GRID1: variants seen among roughly 807,000 people sequenced by gnomAD.
GRID1 encodes glutamate ionotropic receptor delta type subunit 1.
Under a neutral mutation model 98.0 loss-of-function variants are expected in GRID1, and 28 were observed. The ratio of observed to expected loss-of-function variants is 0.29; its 90% CI spans 0.21 to 0.39. The LOEUF (loss-of-function observed/expected upper bound fraction) is 0.39. Among genes scored for constraint, GRID1 ranks in the 10% least tolerant of loss-of-function variants. GRID1 has a pLI of 1.00. For synonymous variants in GRID1, 553 were observed against 538.5 expected, an observed-to-expected ratio of 1.03 and a Z score of -0.37; for missense variants, 1,111 against 1,340.5, an observed-to-expected ratio of 0.83 and a Z score of 2.67.
chr10:85,632,949 C>T (rs1424496217), intron 13 of GRID1, among the ~76,000 whole-genome samples: 3 of 152,130 alleles, frequency 2.0e-5, no homozygotes, highest in Non-Finnish European at 4.4e-5. Flanking sequence ...TTGTTCAGCT[C>T]CCACTTATGA....
chr10:86,079,768 C>G (rs1843938208), intron 4 of GRID1, among the ~76,000 whole-genome samples: 3 of 152,210 alleles, frequency 2.0e-5, no homozygotes, highest in African/African-American at 7.2e-5. Context: ...GTGACCAGAG[C>G]ATGTCAGACA....
At chr10:85,844,525 A>G (rs534858216) in intron 8 of GRID1, among the ~76,000 whole-genome samples, 1 of 152,010 alleles carries the variant, frequency 6.6e-6, no homozygotes, top group African/African-American at 2.4e-5. Flanking sequence ...CAATGTCAGT[A>G]TCCTTATTGT....
rs568566515 is a variant in GRID1, at chr10:85,706,908, T to C, written c.1997+16095A>G. Among the ~76,000 whole-genome samples the C allele has an allele frequency of 1.4e-3, 214 of 152,316 alleles. 1 individual carries two copies. Among genetic ancestry groups the C allele is most frequent in the African/African-American group, 4.9e-3 (203 of 41,564 alleles). ...TGGTGCTGGGAAAACTGGCTAGCCA[T>C]ATGTAGAAAGCTGAAATTGGATCCC... On this transcript the variant is annotated intron_variant, in intron 12 of 15. Coordinates refer to ENST00000327946, the MANE Select transcript of GRID1 (RefSeq NM_017551.3).
At chr10:85,978,233 G>A (rs1250607165) in intron 4 of GRID1, among the ~76,000 whole-genome samples, 3 of 152,136 alleles carry the variant, frequency 2.0e-5, no homozygotes, top group Non-Finnish European at 1.5e-5. Context: ...TCAACACCAT[G>A]CAGATGCCAA....
intron 5 of GRID1, among the ~76,000 whole-genome samples, chr10:85,909,257 T>A (rs1841503269): frequency 1.3e-5 from 2 of 152,124 alleles, no homozygotes; most frequent in South Asian, 4.1e-4. Context: ...TACACACCCA[T>A]CAGAGTGACT....
At position 85,602,593 on chromosome 10, in the gene GRID1, C is replaced by T; in HGVS notation, c.2710G>A (p.Glu904Lys). The T allele has an allele frequency of 6.2e-7, 1 of 1,614,038 alleles. No individual in the cohort carries two copies. The highest frequency in any genetic ancestry group is 8.5e-7 in the Non-Finnish European group (1 of 1,179,984). Reference sequence around the variant, plus strand: ...TGGGTGGGAGCCAGGCCCCCCATCTCCAGGGCCGAGAGCTCAATCGACGCT... The same window carrying T: ...TGGGTGGGAGCCAGGCCCCCCATCTTCAGGGCCGAGAGCTCAATCGACGCT... ...SPASIELSAL[E>K]MGGLAPTQTL... The change falls in exon 16 of 16, where the codon GAG (glutamate) becomes AAG (lysine). Residue 904 changes from glutamate to lysine, a missense_variant. Physicochemically the swap from Glu to Lys is moderately conservative, Grantham distance 56. This residue lies in a region of GRID1 where 762 missense variants were observed against 869.1 expected (regional missense o/e 0.88). Coordinates refer to ENST00000327946, the MANE Select transcript of GRID1 (RefSeq NM_017551.3).
intron 8 of GRID1, among the ~76,000 whole-genome samples, chr10:85,741,816 C>T (rs541101909): frequency 6.6e-6 from 1 of 152,040 alleles, no homozygotes; most frequent in Admixed American, 6.5e-5. Flanking sequence ...TTCTACCTCG[C>T]TCACTACACC....
chr10:85,652,854 C>G (rs1268664267), intron 12 of GRID1, among the ~76,000 whole-genome samples: 1 of 152,198 alleles, frequency 6.6e-6, no homozygotes, highest in Non-Finnish European at 1.5e-5. Context: ...ACCCTATTTC[C>G]TGTGCATCTG....
At chr10:86,073,217 G>A (rs959423252) in intron 4 of GRID1, among the ~76,000 whole-genome samples, 2 of 152,172 alleles carry the variant, frequency 1.3e-5, no homozygotes, top group African/African-American at 2.4e-5. Flanking sequence ...CATCTAAACA[G>A]ACGAATCCAT....
intron 12 of GRID1, among the ~76,000 whole-genome samples, chr10:85,699,468 A>G (rs80141950): frequency 0.066 from 10,030 of 152,216 alleles, 674 homozygotes; most frequent in African/African-American, 0.17. Flanking sequence ...TCCCTTAACA[A>G]TGTCTTTCAC....
intron 4 of GRID1, among the ~76,000 whole-genome samples, chr10:86,109,311 T>G (rs1844441389): frequency 6.6e-6 from 1 of 152,012 alleles, no homozygotes; most frequent in South Asian, 2.1e-4. Context: ...AAACACTGAG[T>G]GTTCAGAAGA....
At chr10:86,094,983 G>T (rs1341879968) in intron 4 of GRID1, among the ~76,000 whole-genome samples, 2 of 152,126 alleles carry the variant, frequency 1.3e-5, no homozygotes, top group Non-Finnish European at 2.9e-5. Flanking sequence ...GAATGGTACT[G>T]ATATAAAAAT....
chr10:85,599,802 A>AAAAAAAAAAAAAAAAAAAATAT lies in GRID1; in HGVS notation c.*2470_*2471insATATTTTTTTTTTTTTTTTTTT. The AAAAAAAAAAAAAAAAAAAATAT allele has an allele frequency of 1.4e-4, 9 of 64,980 alleles. No individual in the cohort carries two copies. Among genetic ancestry groups the AAAAAAAAAAAAAAAAAAAATAT allele is most frequent in the African/African-American group, 8.4e-4 (9 of 10,728 alleles). The allele number at this position is 64,980 out of a possible 1,614,324, so 4.0% of individuals were successfully genotyped here. A position where few individuals can be genotyped will look rare whatever the true frequency, so the allele number is the denominator to read the frequency against. ...GTAGAAAATTCTAAAAAAAAAAAAA[A>AAAAAAAAAAAAAAAAAAAATAT]ATATATATATATATATATAAACATG... On this transcript the variant is annotated 3_prime_UTR_variant, in exon 16 of 16. Transcript: ENST00000327946.
intron 13 of GRID1, 102 bp from the exon 14 acceptor site, chr10:85,620,135 A>G: frequency 1.1e-6 from 1 of 914,028 alleles, no homozygotes; most frequent in Non-Finnish European, 1.7e-6. Context: ...ACCCATCCTC[A>G]ATGGTCTTCC....
intron 2 of GRID1, among the ~76,000 whole-genome samples, chr10:86,347,002 AGGTGTCATCCTGC>A (rs1247734274): frequency 6.6e-6 from 1 of 152,162 alleles, no homozygotes; most frequent in Non-Finnish European, 1.5e-5. Context: ...CGCTGAGCAC[AGGTGTCATCCTGC>A]GGGCTGGCAC....
chr10:86,345,353 C>A (rs1025890620), intron 2 of GRID1, among the ~76,000 whole-genome samples: 6 of 152,220 alleles, frequency 3.9e-5, no homozygotes, highest in Non-Finnish European at 8.8e-5. Flanking sequence ...CTGGGTCTAT[C>A]AGACCTACCA....
intron 8 of GRID1, among the ~76,000 whole-genome samples, chr10:85,790,902 C>T (rs1018895400): frequency 2.6e-5 from 4 of 152,194 alleles, no homozygotes; most frequent in Non-Finnish European, 4.4e-5. Context: ...CACAGCCCCG[C>T]TCTCTCTGAG....
chr10:85,647,250 G>C lies in GRID1; in HGVS notation c.2145C>G (p.Asn715Lys), dbSNP rs1409355332. Reference protein sequence around the residue: ...FAELWRTISKNGGADNCVSSP... With the variant: ...FAELWRTISKKGGADNCVSSP... The stretch of plus-strand genomic sequence containing the variant: ...TGGACACGCAGTTGTCAGCCCCTCC[G>C]TTCTTGCTGATGGTCCGCCAGAGTT... The change falls in exon 13 of 16, where the codon AAC becomes AAG. Residue 715 changes from asparagine to lysine, a missense_variant. Physicochemically the swap from Asn to Lys is moderately conservative, Grantham distance 94. Transcript: ENST00000327946. 2 of 1,614,212 alleles carry C rather than the reference G, an allele frequency of 1.2e-6. No homozygotes were observed. The highest frequency in any genetic ancestry group is 1.7e-6 in the Non-Finnish European group (2 of 1,180,024).
intron 12 of GRID1, among the ~76,000 whole-genome samples, chr10:85,692,831 A>C (rs1841348681): frequency 6.6e-6 from 1 of 152,200 alleles, no homozygotes; most frequent in Non-Finnish European, 1.5e-5. Context: ...CTTGACTAAC[A>C]AGCTACAGGA....
Sources: gnomAD v4.1 joint callset for allele counts (sites outside exome capture counted in the v4.1 genomes callset) on GRCh38, gnomAD v4.1.1 for gene constraint, gnomAD v4.1.1 regional missense constraint, MANE v1.5 for transcripts, NCBI Gene and HGNC (gene_info 2026-07-23, HGNC 2026-07-21) for gene names.